The following PRKN variants were observed in gnomAD, a reference collection of about 807,000 sequenced individuals.
PRKN encodes E3 ubiquitin-protein ligase parkin.
In PRKN, 56 loss-of-function variants were observed where a neutral mutation model predicts 59.5. The ratio of observed to expected loss-of-function variants is 0.94; its 90% CI spans 0.76 to 1.18. The LOEUF (loss-of-function observed/expected upper bound fraction) is 1.18, where lower values mean the gene tolerates loss of function less well. Ranked by LOEUF, PRKN falls within the 50% of genes most tolerant of loss-of-function variation. The probability of loss-of-function intolerance (pLI) is 0.00; values close to 1 mark genes in which losing one functional copy is unlikely to be tolerated. For missense variants in PRKN, 657 were observed against 596.4 expected (o/e 1.10, Z -1.06); for synonymous variants, 250 against 222.1 (o/e 1.13, Z -1.12).
chr6:161,440,665 T>G lies in PRKN; in HGVS notation c.1084-53788A>C, dbSNP rs1160838773. On this transcript the variant is annotated intron_variant, in intron 9 of 11. Coordinates refer to ENST00000366898, the MANE Select transcript of PRKN (RefSeq NM_004562.3). This position sits in a 1 kb window ranked among gnomAD's most constrained non-coding sequence, Gnocchi z 4.1. ...TGAGGCAGTAAAAATTCATAACATA[T>G]CTATCACAAATGCATTCTGAGATTG... 1.3e-5 allele frequency among the ~76,000 whole-genome samples: 2 copies of G among 152,262 alleles called. No individual in the cohort carries two copies. The highest frequency in any genetic ancestry group is 4.1e-4 in the South Asian group (2 of 4,826).
intron 1 of PRKN, among the ~76,000 whole-genome samples, chr6:162,673,525 A>G (rs1779414242): frequency 6.6e-6 from 1 of 152,146 alleles, no homozygotes; most frequent in African/African-American, 2.4e-5. Context: ...AGTTGGAACT[A>G]CAGGCGCACA....
intron 3 of PRKN, among the ~76,000 whole-genome samples, chr6:162,246,437 G>T (rs1779197707): frequency 6.6e-6 from 1 of 152,026 alleles, no homozygotes; most frequent in Admixed American, 6.6e-5. Flanking sequence ...GGTTGTTGAA[G>T]AAAAATAAAT....
intron 2 of PRKN, among the ~76,000 whole-genome samples, chr6:162,385,460 C>A (rs1309320122): frequency 6.6e-6 from 1 of 152,124 alleles, no homozygotes; most frequent in Non-Finnish European, 1.5e-5. Context: ...GCTTGTAGAG[C>A]TAATTGCGGT....
At chr6:161,894,218 T>C (rs1162854427) in intron 6 of PRKN, among the ~76,000 whole-genome samples, 1 of 152,192 alleles carries the variant, frequency 6.6e-6, no homozygotes, top group East Asian at 1.9e-4. Flanking sequence ...AATCTTTCTG[T>C]GGCCACTGCC....
intron 1 of PRKN, among the ~76,000 whole-genome samples, chr6:162,668,341 T>A (rs1042479510): frequency 6.6e-5 from 10 of 152,154 alleles, no homozygotes; most frequent in Non-Finnish European, 1.5e-4. Flanking sequence ...TAGTCCAACA[T>A]CTACTTTACC....
chr6:161,992,481 A>G (rs970441552), intron 5 of PRKN, among the ~76,000 whole-genome samples: 1 of 152,204 alleles, frequency 6.6e-6, no homozygotes, highest in Admixed American at 6.5e-5. Flanking sequence ...ATAGATTGAA[A>G]GGGAGAGATA....
At chr6:162,284,422 C>T (rs964549102) in intron 2 of PRKN, among the ~76,000 whole-genome samples, 1 of 151,862 alleles carries the variant, frequency 6.6e-6, no homozygotes, top group Non-Finnish European at 1.5e-5. Context: ...CCAGGTTTCT[C>T]CATGTTGGTC....
chr6:161,983,965 TGAAAACTAG>T (rs1781343017), intron 5 of PRKN, among the ~76,000 whole-genome samples: 1 of 151,914 alleles, frequency 6.6e-6, no homozygotes, highest in Non-Finnish European at 1.5e-5. Context: ...ATAAAATGCG[TGAAAACTAG>T]GAAAACTAAT....
intron 1 of PRKN, among the ~76,000 whole-genome samples, chr6:162,579,873 A>C (rs1444931119): frequency 6.6e-6 from 1 of 152,170 alleles, no homozygotes; most frequent in Non-Finnish European, 1.5e-5. Flanking sequence ...TCAGCTTCTT[A>C]TGGAATGCCC....
At chr6:162,469,509 T>TACACACACACAC (rs74725154) in intron 1 of PRKN, among the ~76,000 whole-genome samples, 1 of 148,928 alleles carries the variant, frequency 6.7e-6, no homozygotes, top group African/African-American at 2.5e-5. Flanking sequence ...TGTGTGTGTA[T>TACACACACACAC]ACACACACAC....
chr6:161,910,059 G>A (rs1583333359), intron 6 of PRKN, among the ~76,000 whole-genome samples: 1 of 152,166 alleles, frequency 6.6e-6, no homozygotes, highest in Non-Finnish European at 1.5e-5. Context: ...AGGGGTTCAA[G>A]TCTTCAGTGG....
chr6:162,264,962 C>T (rs867989581), intron 2 of PRKN, among the ~76,000 whole-genome samples: 4 of 152,188 alleles, frequency 2.6e-5, no homozygotes, highest in Admixed American at 1.3e-4. Context: ...TCTCAATAGT[C>T]ACCTCCCCGT....
chr6:162,191,354 C>T (rs1562569920), intron 4 of PRKN, among the ~76,000 whole-genome samples: 1 of 152,168 alleles, frequency 6.6e-6, no homozygotes, highest in Non-Finnish European at 1.5e-5. Context: ...CTATCACTGG[C>T]CATATGGCCC....
At chr6:161,665,962 T>C (rs1017244239) in intron 7 of PRKN, among the ~76,000 whole-genome samples, 1 of 152,122 alleles carries the variant, frequency 6.6e-6, no homozygotes, top group Admixed American at 6.5e-5. Flanking sequence ...CAGAGTCTGC[T>C]CCTGCCTCCT....
At chr6:162,127,845 A>G (rs1416224336) in intron 4 of PRKN, among the ~76,000 whole-genome samples, 3 of 152,208 alleles carry the variant, frequency 2.0e-5, no homozygotes, top group Non-Finnish European at 4.4e-5. Context: ...ATACACAATT[A>G]AAATATACAA....
chr6:161,643,308 G>A (rs1446848811), intron 7 of PRKN, among the ~76,000 whole-genome samples: 5 of 152,204 alleles, frequency 3.3e-5, no homozygotes, highest in African/African-American at 4.8e-5. Flanking sequence ...CAATTAAACC[G>A]GAGGGAGGAG....
chr6:162,171,095 C>A (rs1783249805), intron 4 of PRKN, among the ~76,000 whole-genome samples: 1 of 151,560 alleles, frequency 6.6e-6, no homozygotes, highest in African/African-American at 2.4e-5. Context: ...TGGGATACTG[C>A]GGTTGAATAG....
At chr6:162,450,226 C>A (rs961531442) in intron 1 of PRKN, among the ~76,000 whole-genome samples, 16 of 152,140 alleles carry the variant, frequency 1.1e-4, no homozygotes, top group Non-Finnish European at 2.4e-4. Flanking sequence ...AAGTATAATG[C>A]CCCTGTGACA....
chr6:162,564,074 C>T (rs368151760), intron 1 of PRKN, among the ~76,000 whole-genome samples: 1 of 151,744 alleles, frequency 6.6e-6, no homozygotes, highest in African/African-American at 2.4e-5. Flanking sequence ...GGGCTGGGTG[C>T]GGTGGCTCAT....
Sources: allele counts gnomAD v4.1 joint callset (sites outside exome capture counted in the v4.1 genomes callset), GRCh38; gene constraint gnomAD v4.1.1; non-coding constraint Gnocchi (gnomAD v3.1); transcripts MANE v1.5; gene names NCBI Gene and HGNC (gene_info 2026-07-23, HGNC 2026-07-21).